The following FAT3 variants were observed in gnomAD, a reference collection of about 807,000 sequenced individuals.
The protein encoded by FAT3 is FAT atypical cadherin 3, also known as protocadherin Fat 3.
FAT3 carries 95 observed loss-of-function variants against 310.2 expected under a neutral mutation model. The ratio of observed to expected loss-of-function variants is 0.31; its 90% CI spans 0.26 to 0.36. The LOEUF (loss-of-function observed/expected upper bound fraction) is 0.36. FAT3 is among the 10% of genes least tolerant of loss of function. FAT3 has a pLI of 1.00. For missense variants in FAT3, 5,408 were observed against 5,715.6 expected, an observed-to-expected ratio of 0.95 and a Z score of 1.74; for synonymous variants, 2,314 against 2,192.9, an observed-to-expected ratio of 1.06 and a Z score of -1.54.
chr11:92,848,791 G>T (rs1203459184), intron 19 of FAT3, among the ~76,000 whole-genome samples: 2 of 152,246 alleles, frequency 1.3e-5, no homozygotes, highest in Non-Finnish European at 2.9e-5. Context: ...TCAACCAGTG[G>T]GGGATGGCAC....
intron 2 of FAT3, among the ~76,000 whole-genome samples, chr11:92,418,896 A>G (rs1207275619): frequency 6.6e-6 from 1 of 152,198 alleles, no homozygotes; most frequent in Non-Finnish European, 1.5e-5. Flanking sequence ...CCAAAACAAA[A>G]TTGTGCCTAT....
intron 2 of FAT3, among the ~76,000 whole-genome samples, chr11:92,449,756 G>T (rs1034851804): frequency 1.3e-5 from 2 of 152,058 alleles, no homozygotes; most frequent in Non-Finnish European, 2.9e-5. Context: ...TGAAAAAATT[G>T]GAATTATGAC....
At chr11:92,838,199 C>T (rs761906426) in intron 17 of FAT3, among the ~76,000 whole-genome samples, 2 of 152,198 alleles carry the variant, frequency 1.3e-5, no homozygotes, top group Non-Finnish European at 2.9e-5. Flanking sequence ...CAAAAGAATT[C>T]TCTTTCCCCA....
chr11:92,745,557 T>C (rs965071484), intron 4 of FAT3, among the ~76,000 whole-genome samples: 4 of 138,990 alleles, frequency 2.9e-5, no homozygotes, highest in Non-Finnish European at 6.0e-5. Context: ...ATGAGATTAG[T>C]AGCTGATGCA....
intron 2 of FAT3, among the ~76,000 whole-genome samples, chr11:92,412,710 T>C (rs1257977514): frequency 5.5e-5 from 1 of 18,176 alleles, no homozygotes; most frequent in Non-Finnish European, 1.7e-4. Flanking sequence ...GTGATATATA[T>C]ATATATATAT....
chr11:92,872,576 T>C (rs1272380296), intron 22 of FAT3, among the ~76,000 whole-genome samples: 1 of 152,228 alleles, frequency 6.6e-6, no homozygotes, highest in African/African-American at 2.4e-5. Context: ...ACAGCATTAA[T>C]AATTATAGAC....
At chr11:92,867,309 G>T in intron 22 of FAT3, 100 bp downstream of exon 22, 1 of 1,229,632 alleles carries the variant, frequency 8.1e-7, no homozygotes, top group South Asian at 1.6e-5. Flanking sequence ...GACTCTACTA[G>T]AGAGGAGTAT....
At chr11:92,816,225 T>C (rs1313519944) in intron 13 of FAT3, among the ~76,000 whole-genome samples, 1 of 152,114 alleles carries the variant, frequency 6.6e-6, no homozygotes, top group East Asian at 1.9e-4. Context: ...CTGAGATCAT[T>C]TGTAGGAAGT....
At chr11:92,471,458 C>T (rs2135150842) in intron 2 of FAT3, among the ~76,000 whole-genome samples, 1 of 152,220 alleles carries the variant, frequency 6.6e-6, no homozygotes, top group Middle Eastern at 3.4e-3. Flanking sequence ...AAAAGATGCT[C>T]ACCTTCATGT....
At chr11:92,806,217 G>T in intron 11 of FAT3, 145 bp from the exon 12 acceptor site, 1 of 677,268 alleles carries the variant, frequency 1.5e-6, no homozygotes, top group Non-Finnish European at 2.5e-6. Context: ...ATAATATATT[G>T]AAATATGTTT....
intron 2 of FAT3, among the ~76,000 whole-genome samples, chr11:92,360,684 T>G (rs1476036862): frequency 1.3e-5 from 2 of 152,206 alleles, no homozygotes; most frequent in Non-Finnish European, 2.9e-5. Flanking sequence ...AATTGGCACT[T>G]TAATCATGGA....
rs370856939 is a variant in FAT3 at position 92,325,625 on chromosome 11, T to C, written c.-17-26471T>C. Among the ~76,000 whole-genome samples, 7 of 152,112 alleles carry C rather than the reference T, an allele frequency of 4.6e-5. No homozygotes were observed. In the East Asian group the frequency reaches 1.4e-3, roughly 29 times the overall value. ...CATGTCTGCAGCAGCTTGAGTGACA[T>C]AGATTAAGGGACATTCTTCTTTTTT... On this transcript the variant is annotated intron_variant, in intron 1 of 27. Coordinates refer to ENST00000525166, the MANE Select transcript of FAT3 (RefSeq NM_001367949.2).
In FAT3 at chr11:92,799,864, C is replaced by G. The variant is rs375144234; in HGVS notation, c.6851C>G (p.Pro2284Arg). The change falls in exon 10 of 28, where the codon CCC becomes CGC. Residue 2284 changes from proline (P) to arginine (R), a missense_variant. Around this residue, in one of 5 missense-constraint regions of FAT3, gnomAD observed 4,588 missense variants for 4,809.8 expected, o/e 0.95. Transcript: ENST00000525166. ...DLLVNDVNDNPPIFDQPTYNT... is the reference protein window; with the variant it reads ...DLLVNDVNDNRPIFDQPTYNT... Reference sequence around the variant, plus strand: ...CTAGTTAATGATGTAAATGACAACCCCCCTATTTTCGATCAGCCTACATAC... The same window carrying G: ...CTAGTTAATGATGTAAATGACAACCGCCCTATTTTCGATCAGCCTACATAC... The G allele has an allele frequency of 6.8e-6, 11 of 1,613,138 alleles. No homozygotes were observed. Among genetic ancestry groups the G allele is most frequent in the Non-Finnish European group, 8.5e-6 (10 of 1,179,650 alleles).
intron 25 of FAT3, among the ~76,000 whole-genome samples, chr11:92,888,472 G>T (rs920370132): frequency 2.6e-5 from 4 of 152,200 alleles, no homozygotes; most frequent in Non-Finnish European, 5.9e-5. Context: ...CCCTTTTAGG[G>T]TTAACCTTCC....
At chr11:92,428,642 T>G (rs546297) in intron 2 of FAT3, among the ~76,000 whole-genome samples, 136,118 of 152,138 alleles carry the variant, frequency 0.89, 60,936 homozygotes, top group Admixed American at 0.91. Flanking sequence ...CATTATTTAC[T>G]CAGTAGTCAT....
intron 2 of FAT3, among the ~76,000 whole-genome samples, chr11:92,456,831 G>C (rs1458578607): frequency 6.6e-6 from 1 of 152,068 alleles, no homozygotes; most frequent in Non-Finnish European, 1.5e-5. Context: ...CGTGGCATGT[G>C]TAAGGTCTTC....
At chr11:92,255,330 G>T (rs1865274111) in intron 1 of FAT3, among the ~76,000 whole-genome samples, 2 of 140,242 alleles carry the variant, frequency 1.4e-5, no homozygotes, top group African/African-American at 2.6e-5. Context: ...TTTTATTTTA[G>T]GGTTTTTTTT....
At chr11:92,877,362 C>T (rs561471927) in intron 22 of FAT3, among the ~76,000 whole-genome samples, 3 of 152,266 alleles carry the variant, frequency 2.0e-5, no homozygotes, top group African/African-American at 7.2e-5. Flanking sequence ...CCCACCTTCC[C>T]TCTGCACAAC....
At chr11:92,749,776 T>G (rs116888614) in intron 4 of FAT3, among the ~76,000 whole-genome samples, 1 of 152,110 alleles carries the variant, frequency 6.6e-6, no homozygotes, top group Non-Finnish European at 1.5e-5. Context: ...ATAAGCATCT[T>G]TACTACAATT....
Sources: allele counts gnomAD v4.1 joint callset (sites outside exome capture counted in the v4.1 genomes callset), GRCh38; gene constraint gnomAD v4.1.1; regional missense constraint gnomAD v4.1.1; transcripts MANE v1.5; gene names NCBI Gene and HGNC (gene_info 2026-07-23, HGNC 2026-07-21).